Variants in PCNX2 observed in about 807,000 individuals in gnomAD.
The protein encoded by PCNX2 is pecanex 2, also known as pecanex-like protein 2.
A neutral mutation model predicts 223.8 loss-of-function variants in PCNX2; 168 were observed. That is an observed-to-expected ratio of 0.75 (90% CI 0.66 to 0.85). PCNX2 has a LOEUF of 0.85. Among genes scored for constraint, PCNX2 ranks in the 40% least tolerant of loss-of-function variants. The pLI, the probability that PCNX2 is intolerant of heterozygous loss-of-function variation, is 0.00. For synonymous variants in PCNX2, 1,006 were observed against 1,052.6 expected (o/e 0.96, Z 0.86); for missense variants, 2,507 against 2,675.5 (o/e 0.94, Z 1.39).
intron 12 of PCNX2, 125 bp downstream of exon 12, chr1:233,217,774 T>A (rs1482233094): frequency 1.0e-6 from 1 of 959,532 alleles, no homozygotes; most frequent in Non-Finnish European, 1.5e-6. Flanking sequence ...ATATTTGATA[T>A]TTCTATTTTA....
chr1:233,324,115 A>G, the PCNX2 span, among the ~76,000 whole-genome samples: 1 of 152,270 alleles, frequency 6.6e-6, no homozygotes, highest in Non-Finnish European at 1.5e-5. Flanking sequence ...ATCCAAAGCA[A>G]GGCCTTAACT....
chr1:233,188,816 G>C (rs199697002), intron 15 of PCNX2, among the ~76,000 whole-genome samples: 1 of 152,014 alleles, frequency 6.6e-6, no homozygotes, highest in African/African-American at 2.4e-5. Flanking sequence ...CCACCGCACC[G>C]GGCAATCTCC....
intron 23 of PCNX2, among the ~76,000 whole-genome samples, chr1:233,063,641 G>A (rs768463584): frequency 1.1e-4 from 17 of 152,126 alleles, no homozygotes; most frequent in Non-Finnish European, 1.3e-4. Context: ...TTATGGTCAT[G>A]ACTTAGATTC....
intron 25 of PCNX2, among the ~76,000 whole-genome samples, chr1:233,026,425 G>C (rs1671083421): frequency 1.3e-5 from 2 of 152,198 alleles, no homozygotes; most frequent in Admixed American, 6.5e-5. Flanking sequence ...CGGTTGGATG[G>C]CTTTAGCTTA....
chr1:233,178,958 A>G (rs920573812), intron 16 of PCNX2, 108 bp downstream of exon 16: 1 of 922,260 alleles, frequency 1.1e-6, no homozygotes, highest in African/African-American at 1.6e-5. Flanking sequence ...TGAGAGTCAA[A>G]TCACAATGGG....
intron 19 of PCNX2, among the ~76,000 whole-genome samples, chr1:233,151,788 C>T (rs945368052): frequency 6.6e-6 from 1 of 152,224 alleles, no homozygotes; most frequent in African/African-American, 2.4e-5. Context: ...GATTCTCCTG[C>T]CTCAGCTTCC....
intron 32 of PCNX2, among the ~76,000 whole-genome samples, chr1:232,989,641 T>C (rs947542462): frequency 2.6e-5 from 4 of 152,296 alleles, no homozygotes; most frequent in Admixed American, 2.6e-4. Flanking sequence ...AAAGGACCCC[T>C]GTATCACTTC....
chr1:233,016,746 T>C (rs1670678014), intron 27 of PCNX2, 175 bp downstream of exon 27: 1 of 972,480 alleles, frequency 1.0e-6, no homozygotes, highest in South Asian at 4.8e-5. Flanking sequence ...ACATGGTATA[T>C]TGATTCTCCT....
At chr1:233,296,113 T>C (rs1277090559), upstream of PCNX2, among the ~76,000 whole-genome samples, 1 of 151,882 alleles carries the variant, frequency 6.6e-6, no homozygotes, top group Admixed American at 6.6e-5. Context: ...ACACGTTCCT[T>C]GTCCTTGTCC....
the PCNX2 span, among the ~76,000 whole-genome samples, chr1:233,317,188 C>T: frequency 3.9e-5 from 6 of 152,066 alleles, no homozygotes; most frequent in South Asian, 4.2e-4. Context: ...CTGAGGCAGG[C>T]GAATCAGCTG....
intron 8 of PCNX2, among the ~76,000 whole-genome samples, chr1:233,239,448 T>G (rs540524515): frequency 2.0e-5 from 3 of 152,286 alleles, no homozygotes; most frequent in African/African-American, 7.2e-5. Flanking sequence ...TAAACATCAT[T>G]TTCCTATATA....
chr1:233,318,563 CTTTTTTT>C, the PCNX2 span, among the ~76,000 whole-genome samples: 9 of 92,518 alleles, frequency 9.7e-5, no homozygotes, highest in African/African-American at 3.2e-4. Flanking sequence ...TTTTCTTTTT[CTTTTTTT>C]TTTTTTTTTT....
At chr1:233,128,499 T>A (rs1676234001) in intron 21 of PCNX2, among the ~76,000 whole-genome samples, 2 of 151,986 alleles carry the variant, frequency 1.3e-5, no homozygotes, top group Non-Finnish European at 2.9e-5. Flanking sequence ...CACGCCCAAC[T>A]AATTCTTGTA....
chr1:233,153,035 C>T (rs1042076688), intron 19 of PCNX2, among the ~76,000 whole-genome samples: 1 of 152,168 alleles, frequency 6.6e-6, no homozygotes, highest in Admixed American at 6.5e-5. Context: ...TCCTAAACTT[C>T]CCAAAAGCTT....
chr1:233,234,839 C>T (rs563428303), intron 9 of PCNX2, among the ~76,000 whole-genome samples: 4 of 152,240 alleles, frequency 2.6e-5, no homozygotes, highest in Non-Finnish European at 5.9e-5. Context: ...CAGGAAAGCC[C>T]GTATTCCACA....
At chr1:233,158,708 G>A (rs1403884711) in intron 19 of PCNX2, among the ~76,000 whole-genome samples, 3 of 152,190 alleles carry the variant, frequency 2.0e-5, no homozygotes, top group Non-Finnish European at 4.4e-5. Flanking sequence ...TAGATATGCA[G>A]TTAAAGCTTC....
intron 1 of PCNX2, chr1:233,291,942 T>G: frequency 1.0e-6 from 1 of 985,418 alleles, no homozygotes; most frequent in Non-Finnish European, 1.2e-6. Context: ...AGAAAACTGC[T>G]CTGAATACTC....
At chr1:233,235,957 A>ATATATATATAT (rs1553319645) in intron 9 of PCNX2, among the ~76,000 whole-genome samples, 44 of 93,102 alleles carry the variant, frequency 4.7e-4, no homozygotes, top group African/African-American at 7.0e-4. Flanking sequence ...CATAAAAAAA[A>ATATATATATAT]ATATATATAT....
At chr1:233,213,480 A>G (rs1012111155) in intron 12 of PCNX2, among the ~76,000 whole-genome samples, 5 of 152,208 alleles carry the variant, frequency 3.3e-5, no homozygotes, top group African/African-American at 1.2e-4. Context: ...TGAGGTTAAT[A>G]CAGCGAAACT....
Sources: gnomAD v4.1 joint callset for allele counts (sites outside exome capture counted in the v4.1 genomes callset) on GRCh38, gnomAD v4.1.1 for gene constraint, MANE v1.5 for transcripts, NCBI Gene and HGNC (gene_info 2026-07-23, HGNC 2026-07-21) for gene names.